Variants in SBNO1 observed in about 807,000 individuals in gnomAD.
The protein encoded by SBNO1 is strawberry notch homolog 1.
Under a neutral mutation model 173.6 loss-of-function variants are expected in SBNO1, and 23 were observed. The observed-to-expected ratio is 0.13, with a 90% CI of 0.10 to 0.19. The LOEUF (loss-of-function observed/expected upper bound fraction) is 0.19, where lower values mean the gene tolerates loss of function less well. Ranked by LOEUF, SBNO1 falls within the 10% of genes least tolerant of loss-of-function variation. SBNO1 has a pLI of 1.00. For missense variants in SBNO1, 1,238 were observed against 1,671.2 expected (o/e 0.74, Z 4.52); for synonymous variants, 632 against 571.5 (o/e 1.11, Z -1.51).
chr12:123,296,967 G>T (rs984474614), intron 31 of SBNO1, among the ~76,000 whole-genome samples: 1 of 151,994 alleles, frequency 6.6e-6, no homozygotes, highest in East Asian at 1.9e-4. Flanking sequence ...AAAATGCTGG[G>T]ATTACAAGGT....
At chr12:123,349,701 G>A (rs1873653864) in intron 2 of SBNO1, among the ~76,000 whole-genome samples, 1 of 152,096 alleles carries the variant, frequency 6.6e-6, no homozygotes, top group Non-Finnish European at 1.5e-5. Flanking sequence ...CAGATCACAA[G>A]GTCAGGAGTT....
In SBNO1 at chr12:123,328,061, A is replaced by G. The variant is rs1412492886; in HGVS notation, c.1297-34T>C. 5 of 1,531,476 alleles carry G rather than the reference A, an allele frequency of 3.3e-6. No individual in the cohort carries two copies. The Admixed American group carries it at 7.4e-5, about 23-fold the overall frequency. 94.9% of individuals were successfully genotyped at this position (1,531,476 alleles called of 1,614,324 possible). On this transcript the variant is annotated intron_variant, in intron 10 of 31. Transcript: ENST00000602398. ...AATGAGTTAAGGAATGTATCACATT[A>G]GTATTAAGTAAGAATCTCCAGTCTT...
intron 1 of SBNO1, among the ~76,000 whole-genome samples, chr12:123,358,806 T>C (rs1874777224): frequency 6.7e-6 from 1 of 148,428 alleles, no homozygotes. Flanking sequence ...GAGCTTGGAA[T>C]AGAATTACAA....
chr12:123,339,848 T>C (rs771655305), intron 5 of SBNO1, among the ~76,000 whole-genome samples: 27 of 152,084 alleles, frequency 1.8e-4, no homozygotes, highest in Non-Finnish European at 3.1e-4. Flanking sequence ...AGACCTACTA[T>C]TCCCACTTCT....
chr12:123,297,830 A>G, intron 31 of SBNO1, 148 bp downstream of exon 31: 2 of 696,894 alleles, frequency 2.9e-6, no homozygotes, highest in South Asian at 1.9e-5. Flanking sequence ...CTTCTGTTCA[A>G]CCTTGTAAGA....
chr12:123,349,718 C>T (rs1873656404), intron 2 of SBNO1, among the ~76,000 whole-genome samples: 1 of 152,038 alleles, frequency 6.6e-6, no homozygotes, highest in South Asian at 2.1e-4. Context: ...AGTTCGAGAC[C>T]AGCCTGAACA....
chr12:123,298,260 C>CT, intron 30 of SBNO1, 89 bp from the exon 31 acceptor site: 5 of 1,105,790 alleles, frequency 4.5e-6, no homozygotes, highest in East Asian at 5.8e-5. Context: ...ACTCAAATTT[C>CT]TTTTCTTTTC....
At chr12:123,326,386 T>C in intron 13 of SBNO1, 52 bp from the exon 14 acceptor site, 1 of 1,205,054 alleles carries the variant, frequency 8.3e-7, no homozygotes, top group East Asian at 2.5e-5. Context: ...GTCTAGTTAT[T>C]TAAAAATACC....
intron 1 of SBNO1, among the ~76,000 whole-genome samples, chr12:123,357,703 C>T (rs1874625420): frequency 6.6e-6 from 1 of 152,074 alleles, no homozygotes; most frequent in African/African-American, 2.4e-5. Context: ...TACAGTGAGC[C>T]GAGGTCGTGC....
At chr12:123,321,438 A>C (rs1869965843) in intron 17 of SBNO1, 97 bp downstream of exon 17, 7 of 864,168 alleles carry the variant, frequency 8.1e-6, no homozygotes, top group Non-Finnish European at 1.1e-5. Flanking sequence ...AATCTGTGTG[A>C]TCATTTGTAC....
In SBNO1 at chr12:123,364,816, G is replaced by C. The variant is rs895782375; in HGVS notation, c.-116C>G. ...GGCGGCAGCAGCGGCGTCCTGCTCT[G>C]CCTACCTCCCCGCCGCCATCTTGAC... On this transcript the variant is annotated 5_prime_UTR_variant, in exon 1 of 32. Coordinates refer to ENST00000602398, the MANE Select transcript of SBNO1 (RefSeq NM_001167856.3). The C allele has an allele frequency of 5.1e-6, 5 of 979,486 alleles. No homozygotes were observed. Among genetic ancestry groups the C allele is most frequent in the Admixed American group, 6.2e-5 (1 of 16,228 alleles). The allele number at this position is 979,486 out of a possible 1,614,324, so 60.7% of individuals were successfully genotyped here.
intron 24 of SBNO1, among the ~76,000 whole-genome samples, chr12:123,311,375 ATTC>A (rs1868480441): frequency 1.3e-5 from 2 of 152,010 alleles, no homozygotes; most frequent in African/African-American, 2.4e-5. Context: ...ACATGTTAAG[ATTC>A]TTTTCTTTTT....
intron 1 of SBNO1, among the ~76,000 whole-genome samples, chr12:123,355,925 C>T (rs1455791005): frequency 3.3e-5 from 5 of 152,176 alleles, no homozygotes; most frequent in African/African-American, 1.2e-4. Flanking sequence ...GAAGAGAATA[C>T]TGAGAAACAA....
intron 25 of SBNO1, among the ~76,000 whole-genome samples, chr12:123,310,070 T>C (rs2049014995): frequency 6.6e-6 from 1 of 152,174 alleles, no homozygotes; most frequent in Non-Finnish European, 1.5e-5. Context: ...AATTGAATTT[T>C]TGCATCTTCA....
chr12:123,328,318 C>T (rs1007667472), intron 10 of SBNO1, among the ~76,000 whole-genome samples: 2 of 152,192 alleles, frequency 1.3e-5, no homozygotes, highest in African/African-American at 4.8e-5. Flanking sequence ...AAAGTAGAAG[C>T]ATGATTGGTA....
Position 123,324,261 on chromosome 12 carries a change from C to T in SBNO1, c.1974-430G>A, listed in dbSNP as rs569909081. Among the ~76,000 whole-genome samples the T allele has an allele frequency of 5.9e-5, 9 of 151,830 alleles. 1 individual carries two copies. Among genetic ancestry groups the T allele is most frequent in the Admixed American group, 1.3e-4 (2 of 15,246 alleles). Reference sequence around the variant, plus strand: ...TGACAAGCGGCTGCCATTCTGGACACGGTAGTTCTAGGCAATTATGTACAG... The same window carrying T: ...TGACAAGCGGCTGCCATTCTGGACATGGTAGTTCTAGGCAATTATGTACAG... On this transcript the variant is annotated intron_variant, in intron 15 of 31. Transcript: ENST00000602398.
intron 1 of SBNO1, chr12:123,364,163 G>C (rs889532181): frequency 2.0e-5 from 20 of 985,562 alleles, no homozygotes; most frequent in Non-Finnish European, 2.4e-5. Context: ...CCCAAGAGCG[G>C]GGCATGTACG....
chr12:123,302,984 A>G, intron 29 of SBNO1, 84 bp from the exon 30 acceptor site: 1 of 1,009,350 alleles, frequency 9.9e-7, no homozygotes, highest in East Asian at 2.4e-5. Flanking sequence ...TTCTAGAGGT[A>G]GCCAATTTAA....
chr12:123,363,778 C>T (rs1593435730), intron 1 of SBNO1: 1 of 823,800 alleles, frequency 1.2e-6, no homozygotes, highest in Non-Finnish European at 1.5e-6. Flanking sequence ...AAGAGCTTCT[C>T]TGTGCGAGGA....
Sources: gnomAD v4.1 joint callset for allele counts (sites outside exome capture counted in the v4.1 genomes callset) on GRCh38, gnomAD v4.1.1 for gene constraint, MANE v1.5 for transcripts, NCBI Gene and HGNC (gene_info 2026-07-23, HGNC 2026-07-21) for gene names.